The following RPL27 variants were observed in gnomAD, a reference collection of about 807,000 sequenced individuals.
The protein encoded by RPL27 is large ribosomal subunit protein eL27.
For missense variants in RPL27, 131 were observed against 174.3 expected (o/e 0.75, Z 1.40); for synonymous variants, 77 against 61.0 (o/e 1.26, Z -1.22).
At chr17:43,002,362 C>T (rs1231020619) in intron 3 of RPL27, among the ~76,000 whole-genome samples, 1 of 151,386 alleles carries the variant, frequency 6.6e-6, no homozygotes, top group Non-Finnish European at 1.5e-5. Flanking sequence ...AAAAAATTAG[C>T]CAGGCCTGAT....
chr17:42,999,183 G>C, intron 2 of RPL27: 1 of 185,676 alleles, frequency 5.4e-6, no homozygotes. Context: ...TTTTTTTTTT[G>C]AGACGGGATC....
At chr17:43,001,533 A>AT (rs1254041549) in intron 3 of RPL27, among the ~76,000 whole-genome samples, 1 of 151,580 alleles carries the variant, frequency 6.6e-6, no homozygotes, top group Non-Finnish European at 1.5e-5. Flanking sequence ...AGGTGGGAGA[A>AT]TCGCTTGAGT....
At position 42,999,968 on chromosome 17, in the gene RPL27, C is replaced by T. The variant is rs762245844; in HGVS notation, c.117C>T (p.Ser39=). ...IDDGTSDRPY[S]HALVAGIDRY... ...ATGGCACCTCAGATCGCCCCTACAG[C>T]CATGCTCTGGTGGCTGGAATTGACC... Residue 39 remains serine (S), a synonymous_variant, in exon 3 of 5, where the codon AGC becomes AGT. Coordinates refer to ENST00000253788, the MANE Select transcript of RPL27 (RefSeq NM_000988.5). 6.2e-7 allele frequency: 1 copy of T among 1,612,068 alleles called. No individual in the cohort carries two copies. The highest frequency in any genetic ancestry group is 1.3e-5 in the African/African-American group (1 of 74,854).
intron 3 of RPL27, among the ~76,000 whole-genome samples, chr17:43,001,193 G>A (rs943674699): frequency 6.6e-6 from 1 of 151,154 alleles, no homozygotes; most frequent in African/African-American, 2.4e-5. Context: ...GCAGGGAGCC[G>A]AGATCACACC....
chr17:42,999,765 G>T, intron 2 of RPL27, 168 bp from the exon 3 acceptor site: 1 of 593,644 alleles, frequency 1.7e-6, no homozygotes, highest in Non-Finnish European at 3.0e-6. Context: ...GATAAACACT[G>T]TTCTGTTTCT....
chr17:43,002,232 G>A (rs566713203), intron 3 of RPL27, among the ~76,000 whole-genome samples: 1 of 149,194 alleles, frequency 6.7e-6, no homozygotes, highest in African/African-American at 2.6e-5. Flanking sequence ...CAGGCCGGAT[G>A]CGGTGACTCA....
At chr17:43,001,566 A>G (rs1239006206) in intron 3 of RPL27, among the ~76,000 whole-genome samples, 1 of 151,600 alleles carries the variant, frequency 6.6e-6, no homozygotes, top group Non-Finnish European at 1.5e-5. Flanking sequence ...GGCTACAGTG[A>G]GCTGAGATGG....
chr17:43,002,624 G>A (rs1370410070), intron 3 of RPL27, 49 bp from the exon 4 acceptor site: 3 of 1,150,248 alleles, frequency 2.6e-6, no homozygotes, highest in Non-Finnish European at 4.0e-6. Flanking sequence ...GCTGTATAGG[G>A]GCCCCGGCAG....
At chr17:42,999,866 C>T in intron 2 of RPL27, 67 bp from the exon 3 acceptor site, 1 of 1,342,008 alleles carries the variant, frequency 7.5e-7, no homozygotes, top group Non-Finnish European at 1.1e-6. Context: ...TTGGACACTG[C>T]ACTACCTCTA....
chr17:42,998,791 T>A lies in RPL27; in HGVS notation c.41T>A (p.Leu14Gln), dbSNP rs143145441. Residue 14 changes from leucine to glutamine, a missense_variant, in exon 2 of 5, where the codon CTG becomes CAG. Coordinates refer to ENST00000253788, the MANE Select transcript of RPL27 (RefSeq NM_000988.5). ...FMKPGKVVLV[L>Q]AGRYSGRKAV... ...AAACCTGGGAAGGTGGTGCTTGTCCTGGCTGGACGCTACTCCGGACGCAAA... is the reference window on the plus strand; with the variant it reads ...AAACCTGGGAAGGTGGTGCTTGTCCAGGCTGGACGCTACTCCGGACGCAAA... 21 of 1,613,942 alleles carry A rather than the reference T, an allele frequency of 1.3e-5. No homozygotes were observed. In the African/African-American group the frequency reaches 2.1e-4, roughly 16 times the overall value.
chr17:42,998,861 G>C (rs201425118), intron 2 of RPL27, 30 bp downstream of exon 2: 1 of 1,591,390 alleles, frequency 6.3e-7, no homozygotes, highest in East Asian at 2.2e-5. Flanking sequence ...CTGCGTCCTT[G>C]CATGCCGGGA....
intron 3 of RPL27, among the ~76,000 whole-genome samples, chr17:43,000,751 G>A (rs1273036689): frequency 6.7e-6 from 1 of 148,768 alleles, no homozygotes; most frequent in African/African-American, 2.5e-5. Flanking sequence ...GCCAGTACAA[G>A]TGTTTTTTAA....
intron 3 of RPL27, among the ~76,000 whole-genome samples, chr17:43,000,343 T>A (rs2050346299): frequency 1.3e-5 from 2 of 152,190 alleles, no homozygotes; most frequent in South Asian, 4.1e-4. Context: ...CTTCCACTGT[T>A]CCACCCTCAA....
chr17:43,002,339 A>G (rs771790503), intron 3 of RPL27, among the ~76,000 whole-genome samples: 10 of 151,110 alleles, frequency 6.6e-5, no homozygotes, highest in Non-Finnish European at 1.2e-4. Flanking sequence ...CCCCGTCTCT[A>G]CTAAAAAAAT....
chr17:43,002,452 A>G (rs531431390), intron 3 of RPL27, among the ~76,000 whole-genome samples: 91 of 152,086 alleles, frequency 6.0e-4, no homozygotes, highest in Admixed American at 1.2e-3. Context: ...ACTTGCAATG[A>G]GCTGAGATCA....
intron 3 of RPL27, 52 bp from the exon 4 acceptor site, chr17:43,002,621 A>C: frequency 1.3e-5 from 13 of 1,026,890 alleles, no homozygotes; most frequent in Non-Finnish European, 1.9e-5. Flanking sequence ...TGGGCTGTAT[A>C]GGGGCCCCGG....
chr17:43,001,203 C>T (rs1363257640), intron 3 of RPL27, among the ~76,000 whole-genome samples: 1 of 152,050 alleles, frequency 6.6e-6, no homozygotes, highest in Non-Finnish European at 1.5e-5. Flanking sequence ...GAGATCACAC[C>T]ACTGCACCTC....
At position 42,999,503 on chromosome 17, in the gene RPL27, C is replaced by G. The variant is rs370082593; in HGVS notation, c.82-430C>G. The G allele has an allele frequency of 1.2e-4, 20 of 162,218 alleles. No individual in the cohort carries two copies. The East Asian group carries it at 2.8e-3, about 23-fold the overall frequency. 10.0% of individuals were successfully genotyped at this position (162,218 alleles called of 1,614,324 possible). ...TTCCCTAGGCTCTGGCCACATACAC[C>G]ACTGCGTTTTGTTGTTGTGGGGACA... On this transcript the variant is annotated intron_variant, in intron 2 of 4. Coordinates refer to ENST00000253788, the MANE Select transcript of RPL27 (RefSeq NM_000988.5).
intron 3 of RPL27, among the ~76,000 whole-genome samples, chr17:43,001,887 C>T (rs1233147086): frequency 1.3e-5 from 2 of 151,538 alleles, no homozygotes; most frequent in South Asian, 2.1e-4. Flanking sequence ...ATCAGGAGAT[C>T]GAGACCATCC....
Sources: allele counts gnomAD v4.1 joint callset (sites outside exome capture counted in the v4.1 genomes callset), GRCh38; gene constraint gnomAD v4.1.1; transcripts MANE v1.5; gene names NCBI Gene and HGNC (gene_info 2026-07-23, HGNC 2026-07-21).